Variants in ITPR2 observed in about 807,000 individuals in gnomAD.
ITPR2 encodes inositol 1,4,5-trisphosphate-gated calcium channel ITPR2.
ITPR2 carries 207 observed loss-of-function variants against 317.1 expected under a neutral mutation model. That is an observed-to-expected ratio of 0.65 (90% CI 0.58 to 0.73). The LOEUF (loss-of-function observed/expected upper bound fraction) is 0.73. Among genes scored for constraint, ITPR2 ranks in the 30% least tolerant of loss-of-function variants. The pLI, the probability that ITPR2 is intolerant of heterozygous loss-of-function variation, is 0.00. For synonymous variants in ITPR2, 1,156 were observed against 1,149.1 expected, an observed-to-expected ratio of 1.01 and a Z score of -0.12; for missense variants, 2,613 against 3,284.0, an observed-to-expected ratio of 0.80 and a Z score of 4.99.
intron 13 of ITPR2, among the ~76,000 whole-genome samples, chr12:26,672,489 T>C (rs1360682298): frequency 6.6e-6 from 1 of 151,610 alleles, no homozygotes; most frequent in Non-Finnish European, 1.5e-5. Context: ...ATAAAGATGT[T>C]CTTTGAAACC....
chr12:26,692,317 C>A (rs1215258547), intron 10 of ITPR2, among the ~76,000 whole-genome samples: 2 of 152,162 alleles, frequency 1.3e-5, no homozygotes, highest in East Asian at 3.9e-4. Context: ...GCTATTGGCA[C>A]CTGGTGAGTA....
At chr12:26,506,944 T>A (rs1260424863) in intron 37 of ITPR2, among the ~76,000 whole-genome samples, 1 of 149,290 alleles carries the variant, frequency 6.7e-6, no homozygotes, top group Non-Finnish European at 1.5e-5. Context: ...TCATAATTTA[T>A]AATAGAAGAT....
chr12:26,502,508 C>A (rs1431140578), intron 37 of ITPR2, among the ~76,000 whole-genome samples: 1 of 152,150 alleles, frequency 6.6e-6, no homozygotes, highest in African/African-American at 2.4e-5. Context: ...GTCCCTGGTA[C>A]ACAGTATAAA....
At chr12:26,500,558 C>T (rs1943047311) in intron 37 of ITPR2, among the ~76,000 whole-genome samples, 1 of 152,182 alleles carries the variant, frequency 6.6e-6, no homozygotes, top group South Asian at 2.1e-4. Flanking sequence ...CATGTGAACA[C>T]ATCCCAGATG....
chr12:26,634,977 T>C (rs1946835039), intron 21 of ITPR2, among the ~76,000 whole-genome samples: 1 of 151,058 alleles, frequency 6.6e-6, no homozygotes, highest in African/African-American at 2.4e-5. Context: ...ATTACATAGA[T>C]ATTTTTAGTA....
chr12:26,467,604 A>G (rs1274492496), intron 45 of ITPR2, among the ~76,000 whole-genome samples: 1 of 152,210 alleles, frequency 6.6e-6, no homozygotes, highest in Non-Finnish European at 1.5e-5. Flanking sequence ...CAGCAATGGC[A>G]TTTTACATTG....
At chr12:26,678,758 G>A (rs1345500456) in intron 13 of ITPR2, among the ~76,000 whole-genome samples, 3 of 152,144 alleles carry the variant, frequency 2.0e-5, no homozygotes, top group African/African-American at 7.2e-5. Context: ...AAGAAGCAAA[G>A]GAAATAAAAA....
In ITPR2 at chr12:26,447,457, AC is replaced by A. The variant is rs375668885; in HGVS notation, c.6343-3808del. Among the ~76,000 whole-genome samples the A allele has an allele frequency of 4.3e-4, 65 of 152,178 alleles. 1 individual carries two copies. Among genetic ancestry groups the A allele is most frequent in the African/African-American group, 1.5e-3 (64 of 41,564 alleles). ...AGTGGCATCCTTTATTATCCATTTCACATTTATCTTTTTACCGCTGAGATTT... is the reference window on the plus strand; with the variant it reads ...AGTGGCATCCTTTATTATCCATTTCAATTTATCTTTTTACCGCTGAGATTT... On this transcript the variant is annotated intron_variant, in intron 45 of 56. Transcript: ENST00000381340.
intron 1 of ITPR2, among the ~76,000 whole-genome samples, chr12:26,792,308 A>C (rs1950355235): frequency 6.6e-6 from 1 of 151,954 alleles, no homozygotes; most frequent in African/African-American, 2.4e-5. Flanking sequence ...AACGACAAGA[A>C]GAAGCAAGGA....
intron 26 of ITPR2, among the ~76,000 whole-genome samples, chr12:26,619,274 T>A (rs1946442748): frequency 1.3e-5 from 2 of 152,230 alleles, no homozygotes; most frequent in South Asian, 4.1e-4. Context: ...GTGTTACACA[T>A]AAAAACAATA....
chr12:26,382,219 C>G (rs1573995), intron 55 of ITPR2, among the ~76,000 whole-genome samples: 16,681 of 152,182 alleles, frequency 0.11, 1,468 homozygotes, highest in East Asian at 0.37. Context: ...CCAGCAAACA[C>G]TAGCTCAAAA....
At chr12:26,750,872 T>G (rs778641588) in intron 2 of ITPR2, among the ~76,000 whole-genome samples, 17 of 152,174 alleles carry the variant, frequency 1.1e-4, no homozygotes, top group Non-Finnish European at 2.4e-4. Flanking sequence ...ACTTTAGAGA[T>G]CAGGTGGCAT....
chr12:26,356,542 C>T (rs1938646253), intron 55 of ITPR2, among the ~76,000 whole-genome samples: 2 of 152,176 alleles, frequency 1.3e-5, no homozygotes, highest in South Asian at 4.1e-4. Flanking sequence ...TGTTGGTGAA[C>T]AGGAATTACA....
intron 55 of ITPR2, among the ~76,000 whole-genome samples, chr12:26,353,503 T>G (rs1010492181): frequency 2.6e-5 from 4 of 152,220 alleles, no homozygotes; most frequent in African/African-American, 9.6e-5. Flanking sequence ...AAATTTTCCA[T>G]GACAGTCTGA....
chr12:26,513,797 C>G (rs941778863), intron 37 of ITPR2, among the ~76,000 whole-genome samples: 6 of 151,936 alleles, frequency 3.9e-5, no homozygotes, highest in Non-Finnish European at 8.8e-5. Flanking sequence ...TACATTTTTC[C>G]CCCGCCGTGG....
chr12:26,704,475 C>T (rs1421750243), intron 9 of ITPR2, among the ~76,000 whole-genome samples: 1 of 152,168 alleles, frequency 6.6e-6, no homozygotes, highest in African/African-American at 2.4e-5. Context: ...TTCAGTGGCT[C>T]CATGAGGCAG....
chr12:26,527,642 T>C (rs577618537), intron 37 of ITPR2, among the ~76,000 whole-genome samples: 2 of 152,342 alleles, frequency 1.3e-5, no homozygotes, highest in South Asian at 2.1e-4. Context: ...CATAGTTTAG[T>C]GGTAGCAGCT....
intron 2 of ITPR2, among the ~76,000 whole-genome samples, chr12:26,766,896 A>C (rs1949729507): frequency 6.6e-6 from 1 of 152,220 alleles, no homozygotes; most frequent in Admixed American, 6.5e-5. Flanking sequence ...GTTCTACAGC[A>C]CTAGAAAATG....
intron 54 of ITPR2, among the ~76,000 whole-genome samples, chr12:26,397,166 A>T (rs1940028143): frequency 6.6e-6 from 1 of 152,082 alleles, no homozygotes; most frequent in South Asian, 2.1e-4. Context: ...GTAAGTCCAG[A>T]TGATAAAGTC....
Sources: gnomAD v4.1 joint callset for allele counts (sites outside exome capture counted in the v4.1 genomes callset) on GRCh38, gnomAD v4.1.1 for gene constraint, MANE v1.5 for transcripts, NCBI Gene and HGNC (gene_info 2026-07-23, HGNC 2026-07-21) for gene names.